Variants in ATP5MC1 observed in about 807,000 individuals in gnomAD.
The protein encoded by ATP5MC1 is ATP synthase membrane subunit c locus 1, also known as ATP synthase F(0) complex subunit C1, mitochondrial.
In ATP5MC1, 4 loss-of-function variants were observed where a neutral mutation model predicts 12.1. The ratio of observed to expected loss-of-function variants is 0.33; its 90% CI spans 0.16 to 0.76. The LOEUF (loss-of-function observed/expected upper bound fraction) is 0.76. Among genes scored for constraint, ATP5MC1 ranks in the 30% least tolerant of loss-of-function variants. The probability of loss-of-function intolerance (pLI) is 0.61; values close to 1 mark genes in which losing one functional copy is unlikely to be tolerated. For synonymous variants in ATP5MC1, 52 were observed against 66.0 expected (o/e 0.79, Z 1.03); for missense variants, 117 against 172.1 (o/e 0.68, Z 1.79).
chr17:48,893,569 A>C, intron 2 of ATP5MC1, 113 bp downstream of exon 2: 1 of 1,207,116 alleles, frequency 8.3e-7, no homozygotes, highest in Non-Finnish European at 1.2e-6. Context: ...AGGCTCTTTG[A>C]GGTGGCTGTA....
intron 2 of ATP5MC1, chr17:48,894,095 G>T (rs2040551758): frequency 4.2e-5 from 16 of 380,280 alleles, no homozygotes; most frequent in South Asian, 3.8e-4. Flanking sequence ...TATTAGTGTG[G>T]GTTCTTGTTC....
In ATP5MC1 at chr17:48,894,454, G is replaced by A; in HGVS notation, c.117+5G>A. 1.2e-6 allele frequency: 2 copies of A among 1,612,292 alleles called. No individual in the cohort carries two copies. The highest frequency in any genetic ancestry group is 2.2e-5 in the East Asian group (1 of 44,860). ...CCAGTGAATTCATCTAAACAGGTAA[G>A]GGAGGAATAGCTCTCTTAGGAATGT... On this transcript the variant is annotated splice_donor_5th_base_variant and intron_variant, in intron 3 of 4. Coordinates refer to ENST00000393366, the MANE Select transcript of ATP5MC1 (RefSeq NM_005175.3).
In ATP5MC1 at chr17:48,893,490, A is replaced by G. The variant is rs1339209171; in HGVS notation, c.39+34A>G. On this transcript the variant is annotated intron_variant, in intron 2 of 4. Coordinates refer to ENST00000393366, the MANE Select transcript of ATP5MC1 (RefSeq NM_005175.3). ...CCGCGCCGCAGTGCTCTGTAGTACC[A>G]GGTGTATGGTGTGGACGCCATCAGT... is the stretch of plus-strand genomic sequence containing the variant. 4.3e-6 allele frequency: 7 copies of G among 1,611,722 alleles called. No homozygotes were observed. The African/African-American group carries it at 9.4e-5, about 22-fold the overall frequency.
At position 48,895,861 on chromosome 17, in the gene ATP5MC1, G is replaced by A. The variant is rs1226034063; in HGVS notation, c.*92G>A. On this transcript the variant is annotated 3_prime_UTR_variant, in exon 5 of 5. Coordinates refer to ENST00000393366, the MANE Select transcript of ATP5MC1 (RefSeq NM_005175.3). ...GTTAAGCTTTACCATTAAACACAAC[G>A]TTTCTCTAAACCCCTGTCTGTGCCT... 3.0e-5 allele frequency: 38 copies of A among 1,257,176 alleles called. No homozygotes were observed. Among genetic ancestry groups the A allele is most frequent in the Non-Finnish European group, 4.1e-5 (36 of 869,098 alleles). 77.9% of individuals were successfully genotyped at this position (1,257,176 alleles called of 1,614,324 possible).
In ATP5MC1 at chr17:48,894,402, C is replaced by A; in HGVS notation, c.70C>A (p.Pro24Thr). Reference protein sequence around the residue: ...IRCCTRGLIRPVSASFLNSPV... With the variant: ...IRCCTRGLIRTVSASFLNSPV... ...CTGTTGTACCAGGGGTCTAATCAGGCCTGTGTCTGCCTCCTTCTTGAATAG... is the reference window on the plus strand; with the variant it reads ...CTGTTGTACCAGGGGTCTAATCAGGACTGTGTCTGCCTCCTTCTTGAATAG... Residue 24 changes from proline to threonine, a missense_variant, in exon 3 of 5, where the codon CCT becomes ACT. Transcript: ENST00000393366. The A allele has an allele frequency of 1.2e-6, 2 of 1,613,880 alleles. No individual in the cohort carries two copies. Among genetic ancestry groups the A allele is most frequent in the South Asian group, 1.1e-5 (1 of 91,070 alleles).
In ATP5MC1 at chr17:48,895,752, A is replaced by C. The variant is rs2040566872; in HGVS notation, c.394A>C (p.Ile132Leu). 1 of 1,591,504 alleles carries C rather than the reference A, an allele frequency of 6.3e-7. No homozygotes were observed. Among genetic ancestry groups the C allele is most frequent in the African/African-American group, 1.5e-5 (1 of 67,366 alleles). Residue 132 changes from isoleucine (I) to leucine (L), a missense_variant, in exon 5 of 5, where the codon ATC becomes CTC. Physicochemically the swap from Ile to Leu is conservative, Grantham distance 5. Transcript: ENST00000393366. The stretch of plus-strand genomic sequence containing the variant: ...TTTCTGTTTGATGGTCGCCTTCCTC[A>C]TCCTCTTCGCCATGTGAGGCTCCAT... The part of the protein sequence containing the change: ...GLFCLMVAFL[I>L]LFAM
chr17:48,893,104 G>A (rs2040544106), intron 1 of ATP5MC1, 194 bp downstream of exon 1: 2 of 417,542 alleles, frequency 4.8e-6, no homozygotes, highest in African/African-American at 4.0e-5. Context: ...AGATGGGCAG[G>A]ATCCTGCGCG....
chr17:48,893,060 G>T, intron 1 of ATP5MC1, 150 bp downstream of exon 1: 2 of 318,874 alleles, frequency 6.3e-6, no homozygotes, highest in South Asian at 1.1e-4. Context: ...ACGATTGACT[G>T]CCTCGGCTGG....
rs140604934 is a variant in ATP5MC1 at position 48,895,322 on chromosome 17, T to C, written c.284T>C (p.Ile95Thr). Residue 95 changes from isoleucine (I) to threonine (T), a missense_variant, in exon 4 of 5, where the codon ATT (isoleucine) becomes ACT (threonine). By Grantham distance (89) the Ile-to-Thr change is moderately conservative. Transcript: ENST00000393366. ...GIGTVFGSLI[I>T]GYARNPSLKQ... ...GGAACCGTGTTTGGCAGCTTGATCATTGGCTATGCCAGGTAAGTTTGGGTG... is the reference window on the plus strand; with the variant it reads ...GGAACCGTGTTTGGCAGCTTGATCACTGGCTATGCCAGGTAAGTTTGGGTG... 16 of 1,591,558 alleles carry C rather than the reference T, an allele frequency of 1.0e-5. No individual in the cohort carries two copies. The African/African-American group carries it at 1.6e-4, about 16-fold the overall frequency.
chr17:48,893,745 C>A, intron 2 of ATP5MC1: 2 of 500,666 alleles, frequency 4.0e-6, no homozygotes, highest in Non-Finnish European at 7.1e-6. Context: ...ACGTTAGAAT[C>A]ATCCAGGGAA....
chr17:48,894,826 A>C (rs545785250), intron 3 of ATP5MC1: 31 of 541,430 alleles, frequency 5.7e-5, no homozygotes, highest in Non-Finnish European at 1.1e-4. Flanking sequence ...CCTTCAGCTT[A>C]AGTTGCCTTT....
rs778899407 is a variant in ATP5MC1, at chr17:48,895,623, C to T, written c.297-32C>T. On this transcript the variant is annotated intron_variant, in intron 4 of 4. Transcript: ENST00000393366. Reference sequence around the variant, plus strand: ...TCCCCTCCCCTCACCCCTTCCTCTCCCTCAACTGGCAATGATCTCTGTCCC... The same window carrying T: ...TCCCCTCCCCTCACCCCTTCCTCTCTCTCAACTGGCAATGATCTCTGTCCC... 6 of 1,593,270 alleles carry T rather than the reference C, an allele frequency of 3.8e-6. No homozygotes were observed. The Admixed American group carries it at 1.0e-4, about 27-fold the overall frequency.
In ATP5MC1 at chr17:48,895,777, TGG is replaced by T. The variant is rs35074390; in HGVS notation, c.*14_*15del. 16 of 1,603,186 alleles carry T rather than the reference TGG, an allele frequency of 1.0e-5. No individual in the cohort carries two copies. The highest frequency in any genetic ancestry group is 1.3e-5 in the Non-Finnish European group (15 of 1,171,014). The stretch of plus-strand genomic sequence containing the variant: ...ATCCTCTTCGCCATGTGAGGCTCCA[TGG>T]GGGGGTCACCGGCCTGTTGCTACTG... On this transcript the variant is annotated 3_prime_UTR_variant, in exon 5 of 5. Transcript: ENST00000393366.
In ATP5MC1 at chr17:48,895,347, G is replaced by A. The variant is rs765736672; in HGVS notation, c.296+13G>A. The A allele has an allele frequency of 1.9e-6, 3 of 1,575,372 alleles. No homozygotes were observed. Among genetic ancestry groups the A allele is most frequent in the Non-Finnish European group, 2.6e-6 (3 of 1,154,046 alleles). On this transcript the variant is annotated intron_variant, in intron 4 of 4. Transcript: ENST00000393366. ...TTGGCTATGCCAGGTAAGTTTGGGTGGTCTACAGCATCTCCCACTGTAAAT... is the reference window on the plus strand; with the variant it reads ...TTGGCTATGCCAGGTAAGTTTGGGTAGTCTACAGCATCTCCCACTGTAAAT...
chr17:48,894,072 G>A, intron 2 of ATP5MC1: 2 of 336,534 alleles, frequency 5.9e-6, no homozygotes, highest in African/African-American at 4.3e-5. Flanking sequence ...AACCTTTCCT[G>A]TACCTGCTTT....
At chr17:48,894,530 G>T in intron 3 of ATP5MC1, 81 bp downstream of exon 3, 1 of 1,420,642 alleles carries the variant, frequency 7.0e-7, no homozygotes, top group Non-Finnish European at 9.9e-7. Context: ...CTCTTTGAGA[G>T]GCTGAGGCGA....
At chr17:48,893,715 T>G (rs1284952946) in intron 2 of ATP5MC1, 1 of 557,740 alleles carries the variant, frequency 1.8e-6, no homozygotes, top group African/African-American at 1.9e-5. Context: ...ACTAAAACAG[T>G]GGTTTTCAAC....
At chr17:48,895,478 G>A in intron 4 of ATP5MC1, 144 bp downstream of exon 4, 1 of 1,380,908 alleles carries the variant, frequency 7.2e-7, no homozygotes, top group Non-Finnish European at 9.9e-7. Context: ...CATCCAGCCT[G>A]GCTCACTTAA....
At position 48,895,272 on chromosome 17, in the gene ATP5MC1, T is replaced by C. The variant is rs2040562056; in HGVS notation, c.234T>C (p.Gly78=). 1.2e-6 allele frequency: 2 copies of C among 1,609,330 alleles called. No homozygotes were observed. The highest frequency in any genetic ancestry group is 2.2e-5 in the East Asian group (1 of 44,672). The part of the protein sequence containing the change: ...KFIGAGAATV[G]VAGSGAGIGT... ...TTGGTGCTGGGGCAGCCACAGTTGG[T>C]GTGGCTGGTTCAGGGGCTGGCATTG... is the stretch of plus-strand genomic sequence containing the variant. Residue 78 remains glycine (G), a synonymous_variant, in exon 4 of 5, where the codon GGT becomes GGC. Transcript: ENST00000393366.
Sources: allele counts gnomAD v4.1 joint callset, GRCh38; gene constraint gnomAD v4.1.1; transcripts MANE v1.5; gene names NCBI Gene and HGNC (gene_info 2026-07-23, HGNC 2026-07-21).